Variants in TRIP12 observed in about 807,000 individuals in gnomAD.
TRIP12 encodes thyroid hormone receptor interactor 12.
Under a neutral mutation model 244.2 loss-of-function variants are expected in TRIP12, and 25 were observed. That is an observed-to-expected ratio of 0.10 (90% CI 0.07 to 0.14). TRIP12 has a LOEUF of 0.14. Ranked by LOEUF, TRIP12 falls within the 10% of genes least tolerant of loss-of-function variation. TRIP12 has a pLI of 1.00. For missense variants in TRIP12, 1,677 were observed against 2,486.4 expected, an observed-to-expected ratio of 0.67 and a Z score of 6.92; for synonymous variants, 905 against 873.1, an observed-to-expected ratio of 1.04 and a Z score of -0.64.
intron 28 of TRIP12, 29 bp downstream of exon 28, chr2:229,792,124 T>C: frequency 6.2e-7 from 1 of 1,613,958 alleles, no homozygotes; most frequent in Non-Finnish European, 8.5e-7. Context: ...ATATAGTACA[T>C]TATACATGGT....
chr2:229,816,560 G>A (rs1247199050), intron 9 of TRIP12, among the ~76,000 whole-genome samples: 1 of 152,080 alleles, frequency 6.6e-6, no homozygotes, highest in Admixed American at 6.6e-5. Flanking sequence ...ATTCAACTGT[G>A]ATAAAAGATA....
chr2:229,916,542 T>G (rs1185422221), intron 1 of TRIP12, among the ~76,000 whole-genome samples: 1 of 151,850 alleles, frequency 6.6e-6, no homozygotes, highest in African/African-American at 2.4e-5. Context: ...GTGACAAAAG[T>G]GAGACTCTGT....
chr2:229,906,657 T>C (rs1320967556), intron 1 of TRIP12, among the ~76,000 whole-genome samples: 3 of 150,494 alleles, frequency 2.0e-5, no homozygotes, highest in South Asian at 2.1e-4. Context: ...GAGGCAGAGG[T>C]TGCAGTGAGC....
chr2:229,820,160 G>A (rs949615331), intron 8 of TRIP12, among the ~76,000 whole-genome samples: 23 of 151,920 alleles, frequency 1.5e-4, no homozygotes, highest in African/African-American at 5.1e-4. Flanking sequence ...GACTTTAAAA[G>A]GATTAAACAG....
chr2:229,815,209 A>AT lies in TRIP12; in HGVS notation c.1636-16dup, dbSNP rs772745735. ...GCATGGTTCATCTAGAAAAGAAGAG[A>AT]TTTTAATGAGTAAAAACTCAAAACT... On this transcript the variant is annotated splice_polypyrimidine_tract_variant and intron_variant, in intron 10 of 41. Transcript: ENST00000675903. 15 of 1,603,134 alleles carry AT rather than the reference A, an allele frequency of 9.4e-6. No homozygotes were observed. The highest frequency in any genetic ancestry group is 1.7e-4 in the Middle Eastern group (1 of 6,028).
chr2:229,834,919 G>A (rs1022853683), intron 6 of TRIP12, among the ~76,000 whole-genome samples: 1 of 152,120 alleles, frequency 6.6e-6, no homozygotes, highest in African/African-American at 2.4e-5. Context: ...CCAAATAAAT[G>A]TTTCCAATGG....
In TRIP12 at chr2:229,788,920, A is replaced by T. The variant is rs2040728404; in HGVS notation, c.4716T>A (p.Ile1572=). The change falls in exon 32 of 42, where the codon ATT becomes ATA. Residue 1572 remains isoleucine (I), a synonymous_variant. Transcript: ENST00000675903. The part of the protein sequence containing the change: ...YLYDNAMCKE[I]IPTSEFINSK... ...TGTTAATAAATTCACTAGTTGGAAT[A>T]ATTTCCTTGCACATTGCATTCTGTA... is the stretch of plus-strand genomic sequence containing the variant. 1 of 1,612,774 alleles carries T rather than the reference A, an allele frequency of 6.2e-7. No individual in the cohort carries two copies. Among genetic ancestry groups the T allele is most frequent in the Non-Finnish European group, 8.5e-7 (1 of 1,179,456 alleles).
At chr2:229,840,502 G>A (rs1417010941) in intron 5 of TRIP12, among the ~76,000 whole-genome samples, 1 of 152,144 alleles carries the variant, frequency 6.6e-6, no homozygotes, top group East Asian at 1.9e-4. Flanking sequence ...GGGAGTTGGA[G>A]ACCAGCCTGG....
chr2:229,847,673 C>G (rs1362056864), intron 4 of TRIP12, among the ~76,000 whole-genome samples: 1 of 152,026 alleles, frequency 6.6e-6, no homozygotes, highest in Non-Finnish European at 1.5e-5. Flanking sequence ...CAGAGAAACC[C>G]AAAAAGGCTC....
At chr2:229,891,951 T>C (rs944315060) in intron 1 of TRIP12, among the ~76,000 whole-genome samples, 1 of 152,352 alleles carries the variant, frequency 6.6e-6, no homozygotes, top group South Asian at 2.1e-4. Flanking sequence ...GTATACTGTA[T>C]CAATACTATG....
Position 229,764,824 on chromosome 2 carries a change from C to T in TRIP12, c.*2730G>A, listed in dbSNP as rs1173811595. 1.3e-5 allele frequency: 2 copies of T among 152,212 alleles called. No homozygotes were observed. The highest frequency in any genetic ancestry group is 2.9e-5 in the Non-Finnish European group (2 of 68,048). The allele number at this position is 152,212 out of a possible 1,614,324, so 9.4% of individuals were successfully genotyped here. A position where few individuals can be genotyped will look rare whatever the true frequency, so the allele number is the denominator to read the frequency against. On this transcript the variant is annotated 3_prime_UTR_variant, in exon 42 of 42. Coordinates refer to ENST00000675903, the MANE Select transcript of TRIP12 (RefSeq NM_001348323.3). ...CCATGTTATGCACCTAACTCAAACCCAGTAAAGAGGGACTCCAAGCATAAT... is the reference window on the plus strand; with the variant it reads ...CCATGTTATGCACCTAACTCAAACCTAGTAAAGAGGGACTCCAAGCATAAT...
chr2:229,865,139 C>T (rs139973627), intron 2 of TRIP12, among the ~76,000 whole-genome samples: 569 of 152,062 alleles, frequency 3.7e-3, no homozygotes, highest in Non-Finnish European at 5.9e-3. Flanking sequence ...TGGTGAAACA[C>T]TGTCTCCACA....
chr2:229,920,041 C>A (rs559733886), intron 1 of TRIP12, among the ~76,000 whole-genome samples: 19 of 152,294 alleles, frequency 1.2e-4, no homozygotes, highest in African/African-American at 4.6e-4. Context: ...TGTCTCTAAA[C>A]CTCTGCTAAT....
At chr2:229,870,596 A>G (rs777254118) in intron 2 of TRIP12, among the ~76,000 whole-genome samples, 3 of 152,250 alleles carry the variant, frequency 2.0e-5, no homozygotes, top group African/African-American at 7.2e-5. Context: ...TCAGTAAGAT[A>G]AGGTCTAGAA....
Sources: gnomAD v4.1 joint callset for allele counts (sites outside exome capture counted in the v4.1 genomes callset) on GRCh38, gnomAD v4.1.1 for gene constraint, MANE v1.5 for transcripts, NCBI Gene and HGNC (gene_info 2026-07-23, HGNC 2026-07-21) for gene names.